The following GALC variants were observed in gnomAD, a reference collection of about 807,000 sequenced individuals.
GALC encodes galactocerebrosidase.
Under a neutral mutation model 91.8 loss-of-function variants are expected in GALC, and 77 were observed. The ratio of observed to expected loss-of-function variants is 0.84; its 90% CI spans 0.70 to 1.01. GALC has a LOEUF of 1.01. Among genes scored for constraint, GALC ranks in the 50% least tolerant of loss-of-function variants. The probability of loss-of-function intolerance (pLI) is 0.00; values close to 1 mark genes in which losing one functional copy is unlikely to be tolerated. For synonymous variants in GALC, 357 were observed against 306.7 expected, an observed-to-expected ratio of 1.16 and a Z score of -1.71; for missense variants, 882 against 855.9, an observed-to-expected ratio of 1.03 and a Z score of -0.38.
In GALC at chr14:87,981,473, T is replaced by C. The variant is rs368461047; in HGVS notation, c.621+732A>G. 10 of 188,752 alleles carry C rather than the reference T, an allele frequency of 5.3e-5. No homozygotes were observed. In the East Asian group the frequency reaches 1.4e-3, roughly 27 times the overall value. The allele number at this position is 188,752 out of a possible 1,614,324, so 11.7% of individuals were successfully genotyped here. ...CTATGGAAATAAAAAAAAATTAATATAAAAATTTTTGAAAACTTGAAATAA... is the reference window on the plus strand; with the variant it reads ...CTATGGAAATAAAAAAAAATTAATACAAAAATTTTTGAAAACTTGAAATAA... On this transcript the variant is annotated intron_variant, in intron 6 of 16. Coordinates refer to ENST00000261304, the MANE Select transcript of GALC (RefSeq NM_000153.4).
At chr14:87,954,639 T>C in intron 10 of GALC, 1 of 1,580,950 alleles carries the variant, frequency 6.3e-7, no homozygotes, top group African/African-American at 1.3e-5. Flanking sequence ...GCAACCCACC[T>C]AGAGGATAAA....
intron 10 of GALC, chr14:87,953,088 G>C: frequency 6.6e-7 from 1 of 1,503,854 alleles, no homozygotes; most frequent in East Asian, 2.3e-5. Flanking sequence ...TGTGCCAACA[G>C]AATATCATGA....
rs17797993 is a variant in GALC at position 87,982,351 on chromosome 14, C to T, written c.583-108G>A. On this transcript the variant is annotated intron_variant, in intron 5 of 16. Transcript: ENST00000261304. ...TCATCATCTTTCATATTATCTGATA[C>T]GCCATTTTTTAACTTTATGGGATAT... is the stretch of plus-strand genomic sequence containing the variant. 5.9e-3 allele frequency: 4,348 copies of T among 738,258 alleles called. 103 individuals carry two copies. The highest frequency in any genetic ancestry group is 0.056 in the African/African-American group (3,198 of 57,068). 45.7% of individuals were successfully genotyped at this position (738,258 alleles called of 1,614,324 possible).
chr14:87,961,992 G>A (rs1885826272), intron 10 of GALC, among the ~76,000 whole-genome samples: 1 of 152,168 alleles, frequency 6.6e-6, no homozygotes, highest in South Asian at 2.1e-4. Context: ...ATTACCTGTA[G>A]ATCCCTTCCT....
chr14:87,965,367 CTGG>C (rs1408386392), intron 9 of GALC, 135 bp downstream of exon 9: 1 of 904,090 alleles, frequency 1.1e-6, no homozygotes, highest in Non-Finnish European at 1.8e-6. Context: ...TTATAAAACA[CTGG>C]CAAATCTTGC....
chr14:87,989,516 T>G (rs901949339), intron 1 of GALC: 1 of 152,262 alleles, frequency 6.6e-6, no homozygotes, highest in African/African-American at 2.4e-5. Flanking sequence ...ATCTGCTCCT[T>G]TTCCTGAACT....
rs1299797580 is a variant in GALC, at chr14:87,976,446, T to C, written c.664A>G (p.Lys222Glu). 2 of 1,613,646 alleles carry C rather than the reference T, an allele frequency of 1.2e-6. No individual in the cohort carries two copies. ...CAGAGATTATCACTTGCTATGATTT[T>C]CACTCGCTGGAGACCTTGATAATTC... ...MLNYQGLQRV[K>E]IIASDNLWES... The change falls in exon 7 of 17, where the codon AAA (lysine) becomes GAA (glutamate). Residue 222 changes from lysine to glutamate, a missense_variant. Lys to Glu is a moderately conservative substitution (Grantham distance 56). Transcript: ENST00000261304.
Position 87,947,642 on chromosome 14 carries a change from C to A in GALC, c.1489+86G>T, listed in dbSNP as rs549317506. 1.9e-5 allele frequency: 25 copies of A among 1,303,362 alleles called. No homozygotes were observed. In the African/African-American group the frequency reaches 2.0e-4, roughly 11 times the overall value. 80.7% of individuals were successfully genotyped at this position (1,303,362 alleles called of 1,614,324 possible). On this transcript the variant is annotated intron_variant, in intron 13 of 16. Coordinates refer to ENST00000261304, the MANE Select transcript of GALC (RefSeq NM_000153.4). ...ATGAATGTGCTTTTGACAGCCACTCCATCATGCACCCAGTTTGACAGGTAG... is the reference window on the plus strand; with the variant it reads ...ATGAATGTGCTTTTGACAGCCACTCAATCATGCACCCAGTTTGACAGGTAG...
At chr14:87,958,961 A>G (rs981206226) in intron 10 of GALC, among the ~76,000 whole-genome samples, 14 of 152,224 alleles carry the variant, frequency 9.2e-5, no homozygotes, top group Admixed American at 5.9e-4. Context: ...AGACCTCAAA[A>G]GCACAGACAA....
chr14:87,952,483 A>G, intron 10 of GALC: 1 of 586,008 alleles, frequency 1.7e-6, no homozygotes, highest in South Asian at 1.9e-5. Flanking sequence ...AAGCTAAACC[A>G]CAACCCTGCC....
chr14:87,977,431 C>G (rs184291718), intron 6 of GALC, among the ~76,000 whole-genome samples: 1 of 152,098 alleles, frequency 6.6e-6, no homozygotes, highest in African/African-American at 2.4e-5. Flanking sequence ...ACACACTCAA[C>G]AGGACACCAA....
rs1214736198 is a variant in GALC at position 87,965,560 on chromosome 14, C to T, written c.978G>A (p.Thr326=). The T allele has an allele frequency of 1.1e-5, 17 of 1,613,198 alleles. No individual in the cohort carries two copies. Among genetic ancestry groups the T allele is most frequent in the East Asian group, 2.2e-5 (1 of 44,878 alleles). The change falls in exon 9 of 17, where the codon ACG becomes ACA. Residue 326 remains threonine, a synonymous_variant. Transcript: ENST00000261304. The part of the protein sequence containing the change: ...QLPYGRCGLM[T]AQEPWSGHYV... ...AGTGCCCACTCCATGGCTCCTGGGC[C>T]GTCATCAACCCGCATCTCCCATAAG... is the stretch of plus-strand genomic sequence containing the variant.
chr14:87,953,905 C>G, intron 10 of GALC: 2 of 1,610,130 alleles, frequency 1.2e-6, no homozygotes, highest in Non-Finnish European at 1.7e-6. Context: ...GTGCCTTTAG[C>G]AACAGTTACA....
intron 7 of GALC, among the ~76,000 whole-genome samples, chr14:87,973,687 C>T (rs771739221): frequency 6.6e-6 from 1 of 152,048 alleles, no homozygotes; most frequent in Non-Finnish European, 1.5e-5. Context: ...GAAGAAGAAA[C>T]CAAGAGTATT....
chr14:87,940,832 C>G (rs1391031250), intron 15 of GALC, among the ~76,000 whole-genome samples: 1 of 151,822 alleles, frequency 6.6e-6, no homozygotes, highest in African/African-American at 2.4e-5. Flanking sequence ...GTATCAAAAC[C>G]AATCTGAAGT....
chr14:87,963,407 G>A lies in GALC; in HGVS notation c.1138C>T (p.Leu380Phe). The change falls in exon 10 of 17, where the codon CTC becomes TTC. Residue 380 changes from leucine to phenylalanine, a missense_variant. Leu to Phe is a conservative substitution (Grantham distance 22). Transcript: ENST00000261304. The part of the protein sequence containing the change: ...YVALTDGLGN[L>F]TIIIETMSHK... ...ACCATGGTTTCAATGATGATGGTGA[G>A]GTTCCCTAAGCCATCAGTCAGAGCT... is the stretch of plus-strand genomic sequence containing the variant. The A allele has an allele frequency of 1.9e-6, 3 of 1,613,282 alleles. No individual in the cohort carries two copies. The highest frequency in any genetic ancestry group is 2.5e-6 in the Non-Finnish European group (3 of 1,179,332).
intron 1 of GALC, chr14:87,992,518 A>G (rs1595245270): frequency 1.3e-6 from 2 of 1,530,040 alleles, no homozygotes; most frequent in African/African-American, 2.7e-5. Context: ...AACTCCTCCA[A>G]AAGGGAGAGA....
chr14:87,986,890 T>A, intron 3 of GALC: 1 of 434,478 alleles, frequency 2.3e-6, no homozygotes, highest in East Asian at 5.4e-5. Context: ...TAACTAAAAA[T>A]TCCCAGTATT....
At position 87,934,019 on chromosome 14, in the gene GALC, G is replaced by C. The variant is rs1271827373; in HGVS notation, c.*713C>G. ...AGCCACCTGGAAAAACGTTCACAGA[G>C]AGTTATAGTGGTTACAAGACCAAAA... On this transcript the variant is annotated 3_prime_UTR_variant, in exon 17 of 17. Coordinates refer to ENST00000261304, the MANE Select transcript of GALC (RefSeq NM_000153.4). 4 of 1,534,302 alleles carry C rather than the reference G, an allele frequency of 2.6e-6. No individual in the cohort carries two copies. Among genetic ancestry groups the C allele is most frequent in the Non-Finnish European group, 3.5e-6 (4 of 1,145,852 alleles).
Sources: allele counts gnomAD v4.1 joint callset (sites outside exome capture counted in the v4.1 genomes callset), GRCh38; gene constraint gnomAD v4.1.1; transcripts MANE v1.5; gene names NCBI Gene and HGNC (gene_info 2026-07-23, HGNC 2026-07-21).